Variants in FHIP1A observed in about 807,000 individuals in gnomAD.
The protein encoded by FHIP1A is FHF complex subunit HOOK interacting protein 1A, also known as FHF complex subunit HOOK-interacting protein 1A.
FHIP1A carries 61 observed loss-of-function variants against 88.6 expected under a neutral mutation model. That is an observed-to-expected ratio of 0.69 (90% CI 0.56 to 0.85). FHIP1A has a LOEUF of 0.85. Ranked by LOEUF, FHIP1A falls within the 40% of genes least tolerant of loss-of-function variation. The pLI, the probability that FHIP1A is intolerant of heterozygous loss-of-function variation, is 0.00. For synonymous variants in FHIP1A, 478 were observed against 496.0 expected (o/e 0.96, Z 0.48); for missense variants, 1,154 against 1,273.5 (o/e 0.91, Z 1.43).
chr4:151,582,339 A>G (rs1256062630), intron 5 of FHIP1A, among the ~76,000 whole-genome samples: 1 of 151,836 alleles, frequency 6.6e-6, no homozygotes, highest in Non-Finnish European at 1.5e-5. Flanking sequence ...TGCTCTGTGC[A>G]TGTCATCTTT....
chr4:151,640,128 G>C (rs949704345), intron 9 of FHIP1A, among the ~76,000 whole-genome samples: 1 of 152,178 alleles, frequency 6.6e-6, no homozygotes, highest in Admixed American at 6.5e-5. Flanking sequence ...TCTGGGGTTA[G>C]GGCCCAGCAA....
chr4:151,542,313 T>G (rs752057871), intron 3 of FHIP1A, among the ~76,000 whole-genome samples: 4 of 152,134 alleles, frequency 2.6e-5, no homozygotes, highest in Non-Finnish European at 5.9e-5. Flanking sequence ...ACATGGAAAC[T>G]TTTTTTGTCC....
chr4:151,461,906 G>C (rs1277386940), intron 2 of FHIP1A, among the ~76,000 whole-genome samples: 1 of 152,228 alleles, frequency 6.6e-6, no homozygotes, highest in Non-Finnish European at 1.5e-5. Flanking sequence ...GCTTACGCCT[G>C]TAATCCCACA....
chr4:151,560,394 A>G (rs1206227865), intron 3 of FHIP1A, among the ~76,000 whole-genome samples: 1 of 152,174 alleles, frequency 6.6e-6, no homozygotes, highest in African/African-American at 2.4e-5. Context: ...TCCAGAGAAC[A>G]TGACCAAGAC....
intron 7 of FHIP1A, among the ~76,000 whole-genome samples, chr4:151,615,404 C>G (rs1212517747): frequency 1.3e-5 from 2 of 152,202 alleles, no homozygotes; most frequent in African/African-American, 2.4e-5. Context: ...TACCATTTTA[C>G]TCTATCAAGG....
intron 3 of FHIP1A, among the ~76,000 whole-genome samples, chr4:151,527,841 A>G (rs1407996477): frequency 6.6e-6 from 1 of 152,116 alleles, no homozygotes; most frequent in Non-Finnish European, 1.5e-5. Flanking sequence ...TACTAGCTTC[A>G]AAGATTCTGA....
At chr4:151,540,472 A>G (rs1580685261) in intron 3 of FHIP1A, among the ~76,000 whole-genome samples, 1 of 152,234 alleles carries the variant, frequency 6.6e-6, no homozygotes, top group East Asian at 1.9e-4. Context: ...ATAAGTAAGT[A>G]TACATTTCAT....
At chr4:151,503,461 G>A (rs1168583991) in intron 3 of FHIP1A, among the ~76,000 whole-genome samples, 1 of 152,134 alleles carries the variant, frequency 6.6e-6, no homozygotes, top group African/African-American at 2.4e-5. Context: ...GGTGGGAGAG[G>A]TTTTTGGCTC....
chr4:151,636,251 G>C (rs1736348895), intron 8 of FHIP1A, among the ~76,000 whole-genome samples: 1 of 151,872 alleles, frequency 6.6e-6, no homozygotes, highest in Non-Finnish European at 1.5e-5. Flanking sequence ...CAACAAATTA[G>C]AAATAGAGGG....
intron 3 of FHIP1A, among the ~76,000 whole-genome samples, chr4:151,563,852 G>T (rs765888724): frequency 6.6e-6 from 1 of 152,052 alleles, no homozygotes; most frequent in Non-Finnish European, 1.5e-5. Context: ...AATTGGACAG[G>T]TGTGGTGGCA....
intron 2 of FHIP1A, among the ~76,000 whole-genome samples, chr4:151,469,618 A>G (rs1053160361): frequency 4.6e-5 from 7 of 152,196 alleles, no homozygotes; most frequent in African/African-American, 1.4e-4. Flanking sequence ...AAAGTTCATT[A>G]TGTCTAAAAG....
chr4:151,587,531 T>C (rs1166852020), intron 6 of FHIP1A, among the ~76,000 whole-genome samples: 1 of 151,470 alleles, frequency 6.6e-6, no homozygotes, highest in East Asian at 1.9e-4. Flanking sequence ...TTTTTTATTA[T>C]TATACTTTAA....
chr4:151,490,211 G>A (rs1482584277), intron 3 of FHIP1A, among the ~76,000 whole-genome samples: 1 of 152,128 alleles, frequency 6.6e-6, no homozygotes, highest in Non-Finnish European at 1.5e-5. Context: ...GAGAAAACCA[G>A]TGCACTAAAC....
chr4:151,533,308 G>T (rs192067042), intron 3 of FHIP1A, among the ~76,000 whole-genome samples: 39 of 152,166 alleles, frequency 2.6e-4, no homozygotes, highest in Non-Finnish European at 3.8e-4. Context: ...TCGGGGTTGG[G>T]GGGCACCTAG....
At chr4:151,421,282 CTCT>C (rs1733152977) in intron 1 of FHIP1A, among the ~76,000 whole-genome samples, 1 of 152,180 alleles carries the variant, frequency 6.6e-6, no homozygotes, top group East Asian at 1.9e-4. Context: ...CACAGTGTGA[CTCT>C]TCTTATTTTT....
chr4:151,508,793 C>T (rs1013765511), intron 3 of FHIP1A, among the ~76,000 whole-genome samples: 1 of 152,138 alleles, frequency 6.6e-6, no homozygotes, highest in African/African-American at 2.4e-5. Flanking sequence ...GCGGAGCAAA[C>T]AGCCTGCTCA....
At chr4:151,536,404 G>A (rs79206117) in intron 3 of FHIP1A, among the ~76,000 whole-genome samples, 1,831 of 152,228 alleles carry the variant, frequency 0.012, 25 homozygotes, top group African/African-American at 0.039. Context: ...CCAACACTAT[G>A]TGGGTCCCTT....
intron 7 of FHIP1A, among the ~76,000 whole-genome samples, chr4:151,612,485 A>G (rs1161634183): frequency 1.3e-5 from 2 of 152,154 alleles, no homozygotes; most frequent in Non-Finnish European, 2.9e-5. Context: ...GCTTCATGCA[A>G]TTCTCCTGCC....
chr4:151,497,243 CTAAT>C (rs1466956991), intron 3 of FHIP1A, among the ~76,000 whole-genome samples: 5 of 152,122 alleles, frequency 3.3e-5, no homozygotes, highest in African/African-American at 9.7e-5. Flanking sequence ...TACTTAAACT[CTAAT>C]TATGCTTTTA....
Sources: allele counts gnomAD v4.1 joint callset (sites outside exome capture counted in the v4.1 genomes callset), GRCh38; gene constraint gnomAD v4.1.1; transcripts MANE v1.5; gene names NCBI Gene and HGNC (gene_info 2026-07-23, HGNC 2026-07-21).